Variants in PNPLA1 observed in about 807,000 individuals in gnomAD.
PNPLA1 encodes the protein omega-hydroxyceramide transacylase.
In PNPLA1, 36 loss-of-function variants were observed where a neutral mutation model predicts 51.7. That is an observed-to-expected ratio of 0.70 (90% CI 0.53 to 0.92). The LOEUF is 0.92. PNPLA1 is among the 40% of genes least tolerant of loss of function. The pLI is 0.00. For synonymous variants in PNPLA1, 293 were observed against 280.1 expected, an observed-to-expected ratio of 1.05 and a Z score of -0.46; for missense variants, 658 against 682.5, an observed-to-expected ratio of 0.96 and a Z score of 0.40.
chr6:36,268,856 C>T (rs1769825693), upstream of PNPLA1, among the ~76,000 whole-genome samples: 2 of 152,180 alleles, frequency 1.3e-5, no homozygotes, highest in South Asian at 4.1e-4. Context: ...ACCTCACCTC[C>T]CAGGAAGGGG....
upstream of PNPLA1, among the ~76,000 whole-genome samples, chr6:36,267,409 G>C (rs946655703): frequency 6.6e-6 from 1 of 152,222 alleles, no homozygotes; most frequent in Admixed American, 6.5e-5. Flanking sequence ...CCACGGCCTT[G>C]CTGGGTATAG....
chr6:36,304,105 G>T, intron 6 of PNPLA1, among the ~76,000 whole-genome samples: 1 of 152,140 alleles, frequency 6.6e-6, no homozygotes. Flanking sequence ...ACTTTAGGAA[G>T]GAGAGGACTT....
At chr6:36,283,807 T>C (rs1446587641) in intron 1 of PNPLA1, among the ~76,000 whole-genome samples, 4 of 152,306 alleles carry the variant, frequency 2.6e-5, no homozygotes, top group Non-Finnish European at 4.4e-5. Flanking sequence ...AGGGGGTGAC[T>C]TAGTTCACAG....
At chr6:36,287,500 AGCCTG>A (rs1770532130) in intron 1 of PNPLA1, among the ~76,000 whole-genome samples, 2 of 152,130 alleles carry the variant, frequency 1.3e-5, no homozygotes, top group Admixed American at 1.3e-4. Flanking sequence ...TGTGTCTCAG[AGCCTG>A]GCAGCCTGCA....
intron 5 of PNPLA1, among the ~76,000 whole-genome samples, chr6:36,297,885 CA>C (rs1169863114): frequency 7.8e-5 from 11 of 141,860 alleles, no homozygotes; most frequent in African/African-American, 2.2e-4. Context: ...CACACACACA[CA>C]CACCCTGTGA....
chr6:36,300,178 T>TGTGTGTGTGTGTGTGAGAGAGAGA, intron 5 of PNPLA1, among the ~76,000 whole-genome samples: 4 of 98,088 alleles, frequency 4.1e-5, no homozygotes, highest in African/African-American at 1.3e-4. Flanking sequence ...TGTGTGTGTG[T>TGTGTGTGTGTGTGTGAGAGAGAGA]GAGAGAGAGA....
At chr6:36,272,665 T>C (rs1052665483) in intron 1 of PNPLA1, among the ~76,000 whole-genome samples, 1 of 152,000 alleles carries the variant, frequency 6.6e-6, no homozygotes, top group African/African-American at 2.4e-5. Context: ...AGGGAAGAGA[T>C]TGGATTCAGG....
intron 1 of PNPLA1, among the ~76,000 whole-genome samples, chr6:36,281,195 A>T (rs1212058142): frequency 6.6e-6 from 1 of 152,070 alleles, no homozygotes; most frequent in Non-Finnish European, 1.5e-5. Context: ...GAGAACCTCC[A>T]TTTTTTCCTG....
At chr6:36,292,420 C>T (rs116781497) in intron 2 of PNPLA1, among the ~76,000 whole-genome samples, 2,178 of 152,226 alleles carry the variant, frequency 0.014, 58 homozygotes, top group African/African-American at 0.049. Flanking sequence ...CCACCTTCCA[C>T]TCCTACCATG....
rs1430771912 is a variant in PNPLA1 at position 36,270,638 on chromosome 6, C to T, written c.179C>T (p.Ala60Val). The T allele has an allele frequency of 1.9e-6, 3 of 1,551,246 alleles. No individual in the cohort carries two copies. The highest frequency in any genetic ancestry group is 2.6e-6 in the Non-Finnish European group (3 of 1,146,998). ...AGTSAGAVIA[A>V]LAICGIEMDE... ...ACATCGGCAGGTGCTGTGATCGCCGCCCTGGCCATCTGCGGGATTGAAATG... is the reference window on the plus strand; with the variant it reads ...ACATCGGCAGGTGCTGTGATCGCCGTCCTGGCCATCTGCGGGATTGAAATG... Residue 60 changes from alanine (A) to valine (V), a missense_variant, in exon 1 of 9, where the codon GCC becomes GTC. Physicochemically the swap from Ala to Val is moderately conservative, Grantham distance 64 (BLOSUM62 0). Transcript: ENST00000636260.
intron 1 of PNPLA1, among the ~76,000 whole-genome samples, chr6:36,283,941 G>A (rs1770397006): frequency 6.6e-6 from 1 of 152,184 alleles, no homozygotes; most frequent in Non-Finnish European, 1.5e-5. Flanking sequence ...AAGGACTTCT[G>A]GGTCCACCAA....
At chr6:36,263,704 G>T (rs1435733137) in intron 1 of PNPLA1, among the ~76,000 whole-genome samples, 1 of 151,920 alleles carries the variant, frequency 6.6e-6, no homozygotes, top group Non-Finnish European at 1.5e-5. Context: ...CTCACTGATG[G>T]GGGCAAGGCT....
intron 1 of PNPLA1, among the ~76,000 whole-genome samples, chr6:36,282,233 G>C (rs367855432): frequency 7.2e-6 from 1 of 138,042 alleles, no homozygotes; most frequent in African/African-American, 2.8e-5. Context: ...AAGGAAGGAA[G>C]GAAAGAAAGA....
chr6:36,272,237 G>T (rs1769938161), intron 1 of PNPLA1, among the ~76,000 whole-genome samples: 1 of 152,170 alleles, frequency 6.6e-6, no homozygotes, highest in East Asian at 1.9e-4. Context: ...GGGAGACAGT[G>T]ACAGATCATT....
At chr6:36,272,853 G>A (rs191547701) in intron 1 of PNPLA1, among the ~76,000 whole-genome samples, 2 of 152,286 alleles carry the variant, frequency 1.3e-5, no homozygotes, top group Non-Finnish European at 2.9e-5. Context: ...CATTCACTGA[G>A]TACCTCTAAT....
At chr6:36,303,025 C>T (rs973582950) in intron 6 of PNPLA1, among the ~76,000 whole-genome samples, 1 of 152,164 alleles carries the variant, frequency 6.6e-6, no homozygotes, top group African/African-American at 2.4e-5. Context: ...CACAACATCC[C>T]GGAGCTTGAC....
Position 36,306,519 on chromosome 6 carries a change from C to T in PNPLA1, c.1469+143C>T, listed in dbSNP as rs899666997. The T allele has an allele frequency of 2.6e-5, 19 of 717,984 alleles. No individual in the cohort carries two copies. The African/African-American group carries it at 2.7e-4, about 10-fold the overall frequency. 44.5% of individuals were successfully genotyped at this position (717,984 alleles called of 1,614,324 possible). A position where few individuals can be genotyped will look rare whatever the true frequency, so the allele number is the denominator to read the frequency against. On this transcript the variant is annotated intron_variant, in intron 7 of 8. Transcript: ENST00000636260. Reference sequence around the variant, plus strand: ...GTGTGATTGTGTGATTCCAGGTCCACCCCTTTACATCTCACAAAGCTGCCT... The same window carrying T: ...GTGTGATTGTGTGATTCCAGGTCCATCCCTTTACATCTCACAAAGCTGCCT...
At chr6:36,272,818 T>C (rs1050580476) in intron 1 of PNPLA1, among the ~76,000 whole-genome samples, 9 of 152,212 alleles carry the variant, frequency 5.9e-5, no homozygotes, top group Non-Finnish European at 1.3e-4. Context: ...GGAAAGTCTT[T>C]ATTTTAAAGA....
In PNPLA1 at chr6:36,312,222, A is replaced by T. The variant is rs1771422760; in HGVS notation, c.*336A>T. The T allele has an allele frequency of 6.6e-6, 1 of 152,174 alleles. No individual in the cohort carries two copies. Among genetic ancestry groups the T allele is most frequent in the Admixed American group, 6.5e-5 (1 of 15,288 alleles). The allele number at this position is 152,174 out of a possible 1,614,324, so 9.4% of individuals were successfully genotyped here. A position where few individuals can be genotyped will look rare whatever the true frequency, so the allele number is the denominator to read the frequency against. ...GCACTGTACCCTTGTATAGTGTAAA[A>T]TCTGCACAACTGTACTCAGCCATCC... On this transcript the variant is annotated 3_prime_UTR_variant, in exon 9 of 9. Coordinates refer to ENST00000636260, the MANE Select transcript of PNPLA1 (RefSeq NM_001374623.1).
Sources: gnomAD v4.1 joint callset for allele counts (sites outside exome capture counted in the v4.1 genomes callset) on GRCh38, gnomAD v4.1.1 for gene constraint, MANE v1.5 for transcripts, NCBI Gene and HGNC (gene_info 2026-07-23, HGNC 2026-07-21) for gene names.